The following WDR76 variants were observed in gnomAD, a reference collection of about 807,000 sequenced individuals.
WDR76 encodes WD repeat-containing protein 76.
In WDR76, 52 loss-of-function variants were observed where a neutral mutation model predicts 70.2. The ratio of observed to expected loss-of-function variants is 0.74; its 90% CI spans 0.59 to 0.93. The LOEUF (loss-of-function observed/expected upper bound fraction) is 0.93. Ranked by LOEUF, WDR76 falls within the 40% of genes least tolerant of loss-of-function variation. WDR76 has a pLI of 0.00. For missense variants in WDR76, 756 were observed against 760.2 expected (o/e 0.99, Z 0.07); for synonymous variants, 292 against 271.1 (o/e 1.08, Z -0.76).
intron 9 of WDR76, among the ~76,000 whole-genome samples, chr15:43,855,983 C>T (rs568257127): frequency 2.0e-5 from 3 of 152,196 alleles, no homozygotes; most frequent in African/African-American, 7.2e-5. Context: ...CAAAGTACAC[C>T]TATGCTTACA....
intron 1 of WDR76, among the ~76,000 whole-genome samples, chr15:43,827,541 A>G (rs992509548): frequency 6.6e-6 from 1 of 152,018 alleles, no homozygotes; most frequent in Non-Finnish European, 1.5e-5. Flanking sequence ...AAGGGTGTCA[A>G]TTTGGATTTA....
intron 3 of WDR76, 35 bp downstream of exon 3, chr15:43,835,185 G>A (rs144181930): frequency 9.4e-6 from 15 of 1,596,826 alleles, no homozygotes; most frequent in Middle Eastern, 3.3e-4. Flanking sequence ...CAAGATGCAG[G>A]GCCGGGAACA....
At chr15:43,854,506 G>T (rs1179333910) in intron 9 of WDR76, among the ~76,000 whole-genome samples, 1 of 152,088 alleles carries the variant, frequency 6.6e-6, no homozygotes, top group East Asian at 1.9e-4. Context: ...GAAGGGTGAG[G>T]CTCCAGTAAG....
intron 12 of WDR76, among the ~76,000 whole-genome samples, chr15:43,863,444 T>G (rs2088029661): frequency 6.6e-6 from 1 of 152,036 alleles, no homozygotes; most frequent in Non-Finnish European, 1.5e-5. Context: ...CATCCTGATG[T>G]ACAATAGACC....
chr15:43,857,955 TTCTG>T (rs2087949561), intron 10 of WDR76, among the ~76,000 whole-genome samples: 1 of 140,558 alleles, frequency 7.1e-6, no homozygotes, highest in African/African-American at 2.6e-5. Flanking sequence ...TATTAGAGGG[TTCTG>T]TCTTTTTTTT....
At position 43,828,197 on chromosome 15, in the gene WDR76, T is replaced by C. The variant is rs755630824; in HGVS notation, c.293T>C (p.Met98Thr). 1.2e-6 allele frequency: 2 copies of C among 1,614,072 alleles called. No individual in the cohort carries two copies. The highest frequency in any genetic ancestry group is 2.7e-5 in the African/African-American group (2 of 74,934). Residue 98 changes from methionine (M) to threonine (T), a missense_variant, in exon 2 of 13, where the codon ATG becomes ACG. Transcript: ENST00000263795. ...TGCAGAAGGATTATACCTCCAAAGA[T>C]GAAAAACACATCTTCCAAGGCAGAA... ...KTCRRIIPPK[M>T]KNTSSKAEST...
Position 43,856,978 on chromosome 15 carries a change from C to T in WDR76, c.1224C>T (p.Ser408=). 3 of 1,613,990 alleles carry T rather than the reference C, an allele frequency of 1.9e-6. No individual in the cohort carries two copies. The highest frequency in any genetic ancestry group is 1.7e-6 in the Non-Finnish European group (2 of 1,179,970). Residue 408 remains serine (S), a synonymous_variant, in exon 10 of 13, where the codon TCC becomes TCT. Transcript: ENST00000263795. ...VYRNERSSFS[S]FDFLAEDAST... Reference sequence around the variant, plus strand: ...GAAATGAAAGAAGTAGCTTTTCCTCCTTCGACTTCTTGGCAGAAGATGCCT... The same window carrying T: ...GAAATGAAAGAAGTAGCTTTTCCTCTTTCGACTTCTTGGCAGAAGATGCCT...
At chr15:43,853,292 G>A (rs547827802) in intron 9 of WDR76, among the ~76,000 whole-genome samples, 11 of 152,172 alleles carry the variant, frequency 7.2e-5, no homozygotes, top group African/African-American at 2.4e-4. Context: ...CCAGGCTCAC[G>A]TGATCCTCCC....
intron 8 of WDR76, among the ~76,000 whole-genome samples, chr15:43,848,187 C>T (rs2087812117): frequency 6.6e-6 from 1 of 152,010 alleles, no homozygotes; most frequent in South Asian, 2.1e-4. Flanking sequence ...TGCAGTGAGC[C>T]ATGATTGTGT....
rs1056199606 is a variant in WDR76 at position 43,866,388 on chromosome 15, G to A, written c.1877G>A (p.Cys626Tyr). ...KIHVFMNEKS[C>Y] is the part of the protein sequence containing the mutation. The stretch of plus-strand genomic sequence containing the variant: ...CATGTTTTTATGAATGAAAAAAGCT[G>A]CTGAGTTTTTGGTTTAGGAACATCA... Residue 626 changes from cysteine to tyrosine, a missense_variant, in exon 13 of 13, where the codon TGC becomes TAC. Transcript: ENST00000263795. 6.2e-7 allele frequency: 1 copy of A among 1,613,554 alleles called. No individual in the cohort carries two copies. The highest frequency in any genetic ancestry group is 8.5e-7 in the Non-Finnish European group (1 of 1,179,520).
intron 5 of WDR76, among the ~76,000 whole-genome samples, chr15:43,840,282 A>AT (rs1355030941): frequency 6.6e-6 from 1 of 152,042 alleles, no homozygotes; most frequent in Non-Finnish European, 1.5e-5. Flanking sequence ...TTGTTTCTCC[A>AT]TTAAAAAAAA....
rs562994504 is a variant in WDR76, at chr15:43,844,591, G to A, written c.1032+537G>A. On this transcript the variant is annotated intron_variant, in intron 8 of 12. Transcript: ENST00000263795. ...GTCGACACTGTGCCATCCAGCCTGG[G>A]TGATAGAGTAAGACTCCGTCTCAAA... Among the ~76,000 whole-genome samples the A allele has an allele frequency of 1.7e-4, 25 of 145,286 alleles. 2 individuals carry two copies. The South Asian group carries it at 5.3e-3, about 31-fold the overall frequency.
rs527844677 is a variant in WDR76, at chr15:43,836,964, C to T, written c.608+748C>T. The stretch of plus-strand genomic sequence containing the variant: ...CTAAAGCAGGAGAATCGCTTGAACC[C>T]GGGAGGCAGAGGTCATGGTGAGCCA... On this transcript the variant is annotated intron_variant, in intron 4 of 12. Transcript: ENST00000263795. Among the ~76,000 whole-genome samples the T allele has an allele frequency of 1.8e-3, 264 of 150,242 alleles. 1 individual carries two copies. Among genetic ancestry groups the T allele is most frequent in the African/African-American group, 6.2e-3 (253 of 40,924 alleles).
chr15:43,854,937 T>G (rs1295564187), intron 9 of WDR76, among the ~76,000 whole-genome samples: 7 of 147,914 alleles, frequency 4.7e-5, no homozygotes, highest in Admixed American at 1.4e-4. Flanking sequence ...TGTGACAGAG[T>G]GAGACTCCAT....
intron 7 of WDR76, among the ~76,000 whole-genome samples, chr15:43,843,034 T>G (rs2087746360): frequency 7.4e-6 from 1 of 134,860 alleles, no homozygotes; most frequent in South Asian, 2.3e-4. Flanking sequence ...TTTTTTTTTT[T>G]GTTTTTTGAG....
At chr15:43,864,394 C>T (rs751495182) in intron 12 of WDR76, among the ~76,000 whole-genome samples, 1 of 152,148 alleles carries the variant, frequency 6.6e-6, no homozygotes, top group Non-Finnish European at 1.5e-5. Context: ...GGTCCTTCTT[C>T]TCCATATCTT....
At chr15:43,860,279 C>T (rs1172781591) in intron 11 of WDR76, among the ~76,000 whole-genome samples, 1 of 152,170 alleles carries the variant, frequency 6.6e-6, no homozygotes, top group Non-Finnish European at 1.5e-5. Context: ...TCCTTTGTTG[C>T]TGGTTGGTCT....
chr15:43,840,432 A>C (rs2141732259), intron 5 of WDR76, among the ~76,000 whole-genome samples: 1 of 152,306 alleles, frequency 6.6e-6, no homozygotes, highest in East Asian at 1.9e-4. Context: ...AATCAATAGA[A>C]TATAGTTATT....
chr15:43,843,000 C>CT, intron 7 of WDR76, among the ~76,000 whole-genome samples: 1 of 143,198 alleles, frequency 7.0e-6, no homozygotes, highest in Non-Finnish European at 1.5e-5. Flanking sequence ...TTGCATTACA[C>CT]TTTTTTCTTT....
Sources: gnomAD v4.1 joint callset for allele counts (sites outside exome capture counted in the v4.1 genomes callset) on GRCh38, gnomAD v4.1.1 for gene constraint, MANE v1.5 for transcripts, NCBI Gene and HGNC (gene_info 2026-07-23, HGNC 2026-07-21) for gene names.